KRTCAP2: variants seen among roughly 807,000 people sequenced by gnomAD.
KRTCAP2 encodes the protein dolichyl-diphosphooligosaccharide--protein glycosyltransferase subunit KCP2.
A neutral mutation model predicts 16.5 loss-of-function variants in KRTCAP2; 10 were observed. The ratio of observed to expected loss-of-function variants is 0.60; its 90% CI spans 0.37 to 1.02. KRTCAP2 has a LOEUF of 1.02. Ranked by LOEUF, KRTCAP2 falls within the 50% of genes least tolerant of loss-of-function variation. The pLI, the probability that KRTCAP2 is intolerant of heterozygous loss-of-function variation, is 0.01. For missense variants in KRTCAP2, 152 were observed against 159.6 expected, an observed-to-expected ratio of 0.95 and a Z score of 0.26; for synonymous variants, 68 against 69.8, an observed-to-expected ratio of 0.97 and a Z score of 0.13.
At chr1:155,172,501 A>G (rs1202189533) in intron 3 of KRTCAP2, 64 bp downstream of exon 3, 2 of 1,612,770 alleles carry the variant, frequency 1.2e-6, no homozygotes, top group East Asian at 2.2e-5. Flanking sequence ...TGGAAATTCA[A>G]TATCATGTTT....
Position 155,169,875 on chromosome 1 carries a change from A to G in KRTCAP2, c.224-18T>C. 6.5e-7 allele frequency: 1 copy of G among 1,549,580 alleles called. No individual in the cohort carries two copies. ...CAGGAGAACTAGGGAGGCAAGAAGA[A>G]CAAGGAGGGCAACGGTCAGAATGGA... On this transcript the variant is annotated intron_variant, in intron 3 of 4. Transcript: ENST00000295682.
intron 1 of KRTCAP2, 139 bp downstream of exon 1, chr1:155,173,082 A>C: frequency 1.0e-6 from 1 of 960,000 alleles, no homozygotes; most frequent in Admixed American, 2.2e-5. Context: ...GACACCCCGA[A>C]CCCTCCCGTC....
chr1:155,172,682 G>T, intron 2 of KRTCAP2, 54 bp from the exon 3 acceptor site: 2 of 1,614,076 alleles, frequency 1.2e-6, no homozygotes, highest in African/African-American at 1.3e-5. Context: ...GCTGTGTGGG[G>T]AAGGGGAAGG....
intron 3 of KRTCAP2, 84 bp downstream of exon 3, chr1:155,172,481 C>A: frequency 6.2e-7 from 1 of 1,610,090 alleles, no homozygotes; most frequent in Non-Finnish European, 8.5e-7. Flanking sequence ...CAACCTTTCA[C>A]CTAAGCATCT....
intron 1 of KRTCAP2, 128 bp downstream of exon 1, chr1:155,173,093 C>T (rs1665325896): frequency 3.0e-6 from 3 of 1,000,480 alleles, no homozygotes; most frequent in African/African-American, 1.6e-5. Flanking sequence ...CCCTCCCGTC[C>T]GGTGGAAATG....
intron 3 of KRTCAP2, chr1:155,170,894 G>A (rs1377742127): frequency 6.6e-6 from 1 of 152,086 alleles, no homozygotes; most frequent in Non-Finnish European, 1.5e-5. Context: ...CTGCAGCCTT[G>A]ATCTCCTGGG....
chr1:155,172,508 G>C (rs1219259888), intron 3 of KRTCAP2, 57 bp downstream of exon 3: 1 of 1,613,756 alleles, frequency 6.2e-7, no homozygotes, highest in African/African-American at 1.3e-5. Context: ...TCAATATCAT[G>C]TTTCAGGAGG....
chr1:155,172,446 C>T (rs1460049033), intron 3 of KRTCAP2, 119 bp downstream of exon 3: 1 of 1,563,516 alleles, frequency 6.4e-7, no homozygotes, highest in Non-Finnish European at 8.7e-7. Context: ...CTTCAGACAG[C>T]TTCAGTAAAT....
rs762199641 is a variant in KRTCAP2 at position 155,172,848 on chromosome 1, G to A, written c.49C>T (p.Leu17=). 1 of 1,614,248 alleles carries A rather than the reference G, an allele frequency of 6.2e-7. No individual in the cohort carries two copies. The highest frequency in any genetic ancestry group is 1.1e-5 in the South Asian group (1 of 91,086). The change falls in exon 2 of 5, where the codon CTG becomes TTG. Residue 17 remains leucine, a synonymous_variant. Coordinates refer to ENST00000295682, the MANE Select transcript of KRTCAP2 (RefSeq NM_173852.4). ...TSLALSSLLS[L]LLFAGMQMYS... ...ATCTGCATCCCAGCAAAGAGCAGCA[G>A]GGACAGGAGGGAGGAGAGCGCCAGC...
chr1:155,169,533 G>A lies in KRTCAP2; in HGVS notation c.318C>T (p.Tyr106=). Residue 106 remains tyrosine, a synonymous_variant, in exon 5 of 5, where the codon TAC becomes TAT. Coordinates refer to ENST00000295682, the MANE Select transcript of KRTCAP2 (RefSeq NM_173852.4). ...TCFIFSMVGL[Y]YINKISSTLY... ...GGGTGGAGGAGATCTTGTTGATGTA[G>A]TACAGACCAACCATGGAGAAGATGA... is the stretch of plus-strand genomic sequence containing the variant. 3 of 1,614,110 alleles carry A rather than the reference G, an allele frequency of 1.9e-6. No homozygotes were observed. Among genetic ancestry groups the A allele is most frequent in the Non-Finnish European group, 2.5e-6 (3 of 1,179,992 alleles).
chr1:155,173,298 C>T lies in KRTCAP2; in HGVS notation c.-74G>A. ...GCTGAACCGGGTGCGGTTAGCTATGCGCATGCGTCAGCGCTTACCGCGGAC... is the reference window on the plus strand; with the variant it reads ...GCTGAACCGGGTGCGGTTAGCTATGTGCATGCGTCAGCGCTTACCGCGGAC... On this transcript the variant is annotated 5_prime_UTR_variant, in exon 1 of 5. Coordinates refer to ENST00000295682, the MANE Select transcript of KRTCAP2 (RefSeq NM_173852.4). The T allele has an allele frequency of 6.2e-7, 1 of 1,613,394 alleles. No homozygotes were observed. The highest frequency in any genetic ancestry group is 8.5e-7 in the Non-Finnish European group (1 of 1,179,552).
rs1665182750 is a variant in KRTCAP2 at position 155,169,775 on chromosome 1, G to A, written c.290+16C>T. 1.3e-6 allele frequency: 2 copies of A among 1,584,604 alleles called. No individual in the cohort carries two copies. The highest frequency in any genetic ancestry group is 1.1e-5 in the South Asian group (1 of 87,220). ...AACGGAATGCTACACCCCTTACCCA[G>A]CTGTCAAGAACATACCAGGTGGTGA... On this transcript the variant is annotated intron_variant, in intron 4 of 4. Coordinates refer to ENST00000295682, the MANE Select transcript of KRTCAP2 (RefSeq NM_173852.4).
chr1:155,173,197 T>G, intron 1 of KRTCAP2, 24 bp downstream of exon 1: 1 of 1,606,614 alleles, frequency 6.2e-7, no homozygotes, highest in Non-Finnish European at 8.5e-7. Context: ...TAGGACTTCC[T>G]GGGGACCCCA....
Position 155,172,775 on chromosome 1 carries a change from C to A in KRTCAP2, c.122G>T (p.Gly41Val). Residue 41 changes from glycine to valine, a missense_variant, in exon 2 of 5, where the codon GGC becomes GTC. Physicochemically the swap from Gly to Val is moderately radical, Grantham distance 109. Coordinates refer to ENST00000295682, the MANE Select transcript of KRTCAP2 (RefSeq NM_173852.4). ...ASTEWLTIQGGLLGSGLFVFS... is the reference protein window; with the variant it reads ...ASTEWLTIQGVLLGSGLFVFS... The stretch of plus-strand genomic sequence containing the variant: ...CACGAAGAGACCCGAACCAAGCAGG[C>A]CGCCCTGGATGGTGAGCCACTCGGT... The A allele has an allele frequency of 6.2e-7, 1 of 1,614,230 alleles. No individual in the cohort carries two copies. Among genetic ancestry groups the A allele is most frequent in the East Asian group, 2.2e-5 (1 of 44,874 alleles).
intron 1 of KRTCAP2, 163 bp from the exon 2 acceptor site, chr1:155,173,055 C>T: frequency 1.0e-6 from 1 of 958,560 alleles, no homozygotes; most frequent in Non-Finnish European, 1.6e-6. Context: ...GCAACCCCTA[C>T]GTATTCCCCA....
At chr1:155,173,054 A>G in intron 1 of KRTCAP2, 162 bp from the exon 2 acceptor site, 4 of 948,948 alleles carry the variant, frequency 4.2e-6, no homozygotes, top group Non-Finnish European at 4.8e-6. Flanking sequence ...GGCAACCCCT[A>G]CGTATTCCCC....
Position 155,172,608 on chromosome 1 carries a change from A to T in KRTCAP2, c.180T>A (p.Asn60Lys). ...CTTGGAATCCTTTGCCAAAGACAAG[A>T]TTCTCCAGATTATTGAAGGCCTGGT... ...FSLTAFNNLE[N>K]LVFGKGFQAK... Residue 60 changes from asparagine to lysine, a missense_variant, in exon 3 of 5, where the codon AAT becomes AAA. By Grantham distance (94) the Asn-to-Lys change is moderately conservative (BLOSUM62 0). Transcript: ENST00000295682. 1 of 1,614,244 alleles carries T rather than the reference A, an allele frequency of 6.2e-7. No homozygotes were observed. The highest frequency in any genetic ancestry group is 8.5e-7 in the Non-Finnish European group (1 of 1,180,052).
At chr1:155,173,172 A>C (rs1227811383) in intron 1 of KRTCAP2, 49 bp downstream of exon 1, 1 of 1,508,850 alleles carries the variant, frequency 6.6e-7, no homozygotes, top group South Asian at 1.1e-5. Flanking sequence ...TGTCCACCCA[A>C]ACCCCGACCC....
intron 3 of KRTCAP2, 48 bp from the exon 4 acceptor site, chr1:155,169,905 C>G: frequency 2.4e-6 from 3 of 1,267,088 alleles, no homozygotes; most frequent in East Asian, 2.5e-5. Flanking sequence ...AATGGAAATA[C>G]TAGGCATCTG....
Sources: gnomAD v4.1 joint callset for allele counts on GRCh38, gnomAD v4.1.1 for gene constraint, MANE v1.5 for transcripts, NCBI Gene and HGNC (gene_info 2026-07-23, HGNC 2026-07-21) for gene names.